The following KCNMA1 variants were observed in gnomAD, a reference collection of about 807,000 sequenced individuals.
The protein encoded by KCNMA1 is potassium calcium-activated channel subfamily M alpha 1, also known as Calcium-activated potassium channel subunit alpha-1.
In KCNMA1, 29 loss-of-function variants were observed where a neutral mutation model predicts 140.0. The ratio of observed to expected loss-of-function variants is 0.21; its 90% CI spans 0.15 to 0.28. KCNMA1 has a LOEUF of 0.28. KCNMA1 is among the 10% of genes least tolerant of loss of function. The probability of loss-of-function intolerance (pLI) is 1.00; values close to 1 mark genes in which losing one functional copy is unlikely to be tolerated. For synonymous variants in KCNMA1, 612 were observed against 611.9 expected, an observed-to-expected ratio of 1.00 and a Z score of 0.00; for missense variants, 880 against 1,602.2, an observed-to-expected ratio of 0.55 and a Z score of 7.70.
intron 23 of KCNMA1, among the ~76,000 whole-genome samples, chr10:76,941,071 A>AG (rs1565061204): frequency 2.1e-5 from 2 of 93,028 alleles, no homozygotes; most frequent in Non-Finnish European, 4.1e-5. Context: ...AAGAAAGAAA[A>AG]AGAAAGAAAG....
chr10:76,999,054 T>C (rs2085321112), intron 19 of KCNMA1, among the ~76,000 whole-genome samples: 1 of 152,188 alleles, frequency 6.6e-6, no homozygotes, highest in African/African-American at 2.4e-5. Flanking sequence ...AAGCTCCACG[T>C]GTTCCCTGGT....
chr10:76,990,596 CCT>C (rs1314352346), intron 19 of KCNMA1, among the ~76,000 whole-genome samples: 1 of 152,188 alleles, frequency 6.6e-6, no homozygotes, highest in Non-Finnish European at 1.5e-5. Context: ...CCCCTTCCTC[CCT>C]GTCTTCATTC....
intron 20 of KCNMA1, among the ~76,000 whole-genome samples, chr10:76,969,451 T>G (rs1269129655): frequency 2.6e-5 from 4 of 152,236 alleles, no homozygotes; most frequent in African/African-American, 9.6e-5. Context: ...ATTAGACTTT[T>G]TCTTATCAGT....
intron 1 of KCNMA1, among the ~76,000 whole-genome samples, chr10:77,508,822 T>G (rs1047150306): frequency 6.6e-6 from 1 of 152,088 alleles, no homozygotes; most frequent in Non-Finnish European, 1.5e-5. Context: ...ACCTCCAGCC[T>G]CTGGCCACCA....
chr10:77,611,251 C>T (rs1250650922), intron 1 of KCNMA1, among the ~76,000 whole-genome samples: 1 of 152,204 alleles, frequency 6.6e-6, no homozygotes, highest in Non-Finnish European at 1.5e-5. Context: ...ACTCTCAGAA[C>T]CTGTGCTAGG....
At chr10:76,878,465 TA>T (rs1417059293) in intron 29 of KCNMA1, among the ~76,000 whole-genome samples, 2 of 152,206 alleles carry the variant, frequency 1.3e-5, no homozygotes, top group African/African-American at 4.8e-5. Context: ...TTGGGGGGTC[TA>T]AACTAAACCC....
chr10:77,276,006 G>A (rs2066567333), intron 2 of KCNMA1, among the ~76,000 whole-genome samples: 2 of 152,110 alleles, frequency 1.3e-5, no homozygotes, highest in South Asian at 2.1e-4. Flanking sequence ...TTCCTCAAAC[G>A]GTGTCCCCCC....
intron 2 of KCNMA1, among the ~76,000 whole-genome samples, chr10:77,286,585 C>T (rs1023446874): frequency 3.3e-5 from 5 of 152,096 alleles, no homozygotes; most frequent in African/African-American, 1.2e-4. Flanking sequence ...AAGAATACTT[C>T]CAAAATTCCC....
At chr10:77,097,470 CAAAGT>C (rs2096962864) in intron 9 of KCNMA1, among the ~76,000 whole-genome samples, 5 of 152,106 alleles carry the variant, frequency 3.3e-5, no homozygotes, top group Admixed American at 3.3e-4. Context: ...GATTGGTTGA[CAAAGT>C]ATGCATCTTG....
intron 2 of KCNMA1, among the ~76,000 whole-genome samples, chr10:77,318,508 C>T (rs2081467371): frequency 6.6e-6 from 1 of 152,134 alleles, no homozygotes; most frequent in Non-Finnish European, 1.5e-5. Context: ...GAAGGCGGTT[C>T]ACCTATCATC....
At chr10:77,196,645 A>G (rs2040591379) in intron 3 of KCNMA1, among the ~76,000 whole-genome samples, 1 of 152,242 alleles carries the variant, frequency 6.6e-6, no homozygotes, top group Non-Finnish European at 1.5e-5. Context: ...ATTGTAGAAG[A>G]TCAGATTTCA....
intron 5 of KCNMA1, among the ~76,000 whole-genome samples, chr10:77,160,684 C>T (rs1409445891): frequency 6.6e-6 from 1 of 152,212 alleles, no homozygotes; most frequent in East Asian, 1.9e-4. Context: ...CAATAACATC[C>T]ATCTCACAGA....
rs541213846 is a variant in KCNMA1 at position 76,962,612 on chromosome 10, C to G, written c.2360+7362G>C. Among the ~76,000 whole-genome samples the G allele has an allele frequency of 3.0e-4, 45 of 152,328 alleles. No individual in the cohort carries two copies. In the South Asian group the frequency reaches 9.1e-3, roughly 31 times the overall value. ...TTCCTCATAAAGCCATCATCCTGAA[C>G]AGCCAGAGAGACTGAAGTTATTTTC... On this transcript the variant is annotated intron_variant, in intron 20 of 27. Coordinates refer to ENST00000286628, the MANE Select transcript of KCNMA1 (RefSeq NM_001161352.2).
chr10:76,952,594 T>C (rs2066722035), intron 21 of KCNMA1, among the ~76,000 whole-genome samples: 2 of 152,280 alleles, frequency 1.3e-5, no homozygotes, highest in Middle Eastern at 3.4e-3. Context: ...TCCTGGTCAG[T>C]TGGACAACAG....
intron 2 of KCNMA1, among the ~76,000 whole-genome samples, chr10:77,362,365 C>CCCCACACA (rs1555238717): frequency 1.6e-4 from 19 of 119,110 alleles, no homozygotes; most frequent in South Asian, 1.5e-3. Context: ...CCCCCCCACC[C>CCCCACACA]CACACACACA....
chr10:77,135,017 A>AAAAAAAAAAAAAAAAAAAAG, intron 5 of KCNMA1, among the ~76,000 whole-genome samples: 2 of 143,994 alleles, frequency 1.4e-5, no homozygotes, highest in African/African-American at 2.6e-5. Context: ...AAAAAAAAAA[A>AAAAAAAAAAAAAAAAAAAAG]AAAAAAAAAA....
chr10:77,159,333 C>A (rs572349835), intron 5 of KCNMA1, among the ~76,000 whole-genome samples: 1 of 152,178 alleles, frequency 6.6e-6, no homozygotes, highest in African/African-American at 2.4e-5. Context: ...CCTATAGTAT[C>A]GTTGCCTTTT....
intron 2 of KCNMA1, among the ~76,000 whole-genome samples, chr10:77,300,600 A>G (rs986270812): frequency 6.6e-6 from 1 of 152,236 alleles, no homozygotes; most frequent in Non-Finnish European, 1.5e-5. Context: ...CCTCCAAAAC[A>G]GCAGGTATTA....
At chr10:77,439,091 AGAAG>A (rs2097329450) in intron 1 of KCNMA1, among the ~76,000 whole-genome samples, 1 of 70,976 alleles carries the variant, frequency 1.4e-5, no homozygotes, top group African/African-American at 5.7e-5. Flanking sequence ...AAAAGAAAAG[AGAAG>A]AGAAGAGAAG....
Sources: allele counts gnomAD v4.1 joint callset (sites outside exome capture counted in the v4.1 genomes callset), GRCh38; gene constraint gnomAD v4.1.1; transcripts MANE v1.5; gene names NCBI Gene and HGNC (gene_info 2026-07-23, HGNC 2026-07-21).